MUC5B: variants seen among roughly 807,000 people sequenced by gnomAD.
The protein encoded by MUC5B is mucin-5B.
In MUC5B, 116 loss-of-function variants were observed where a neutral mutation model predicts 376.9. That is an observed-to-expected ratio of 0.31 (90% CI 0.26 to 0.36). The LOEUF (loss-of-function observed/expected upper bound fraction) is 0.36. MUC5B is among the 10% of genes least tolerant of loss of function. MUC5B has a pLI of 1.00. For missense variants in MUC5B, 7,165 were observed against 7,769.9 expected (o/e 0.92, Z 2.93); for synonymous variants, 3,517 against 3,390.9 (o/e 1.04, Z -1.29).
rs201764494 is a variant in MUC5B at position 1,245,846 on chromosome 11, C to T, written c.8966C>T (p.Thr2989Met). The change falls in exon 31 of 49, where the codon ACG becomes ATG. Residue 2989 changes from threonine to methionine, a missense_variant. Thr to Met is a moderately conservative substitution (Grantham distance 81, BLOSUM62 -1). This residue lies in a region of MUC5B where 939 missense variants were observed against 770.6 expected (regional missense o/e 1.22). Transcript: ENST00000529681. ...GCCACGCCCTCCTCCACTCCAGGGA[C>T]GACCTGGATCCTCACAGAGCAGACC... ...STATPSSTPG[T>M]TWILTEQTTA... The T allele has an allele frequency of 8.5e-4, 1,374 of 1,613,426 alleles. 5 individuals carry two copies. Among genetic ancestry groups the T allele is most frequent in the Non-Finnish European group, 1.1e-3 (1,287 of 1,179,826 alleles).
chr11:1,247,393 T>C lies in MUC5B; in HGVS notation c.10513T>C (p.Ser3505Pro). The change falls in exon 31 of 49, where the codon TCG becomes CCG. Residue 3505 changes from serine to proline, a missense_variant. Coordinates refer to ENST00000529681, the MANE Select transcript of MUC5B (RefSeq NM_002458.3). Reference sequence around the variant, plus strand: ...AGCAACCACCAGTACCACCCAGCACTCGACTCCAGCCCTGTCCAGCCCTCA... The same window carrying C: ...AGCAACCACCAGTACCACCCAGCACCCGACTCCAGCCCTGTCCAGCCCTCA... ...PAATTSTTQH[S>P]TPALSSPHPS... 2 of 1,605,642 alleles carry C rather than the reference T, an allele frequency of 1.2e-6. No homozygotes were observed. The highest frequency in any genetic ancestry group is 2.2e-5 in the South Asian group (2 of 90,624).
Position 1,230,455 on chromosome 11 carries a change from C to G in MUC5B, c.1360-35C>G, listed in dbSNP as rs1470046936. On this transcript the variant is annotated intron_variant, in intron 11 of 48. Transcript: ENST00000529681. ...CTGGGGGGCACCCCACATCATCGAGCCAGGCCCAATGCACGCGTGGGTCCT... is the reference window on the plus strand; with the variant it reads ...CTGGGGGGCACCCCACATCATCGAGGCAGGCCCAATGCACGCGTGGGTCCT... The G allele has an allele frequency of 7.8e-6, 12 of 1,537,844 alleles. No individual in the cohort carries two copies. In the Admixed American group the frequency reaches 1.1e-4, roughly 14 times the overall value.
Position 1,232,514 on chromosome 11 carries a change from C to T in MUC5B, c.1908C>T (p.His636=). The change falls in exon 16 of 49, where the codon CAC becomes CAT. Residue 636 remains histidine, a synonymous_variant. Transcript: ENST00000529681. The part of the protein sequence containing the change: ...TDPNSAFSRC[H]SIINPKPFHS... ...CCAACAGTGCCTTCTCGCGCTGCCA[C>T]TCCATCATCAACCCCAAGCCCTTCC... 1.2e-6 allele frequency: 2 copies of T among 1,611,348 alleles called. No individual in the cohort carries two copies. The highest frequency in any genetic ancestry group is 1.7e-6 in the Non-Finnish European group (2 of 1,179,300).
At position 1,250,359 on chromosome 11, in the gene MUC5B, C is replaced by T; in HGVS notation, c.13479C>T (p.Ser4493=). 2 of 1,613,536 alleles carry T rather than the reference C, an allele frequency of 1.2e-6. No homozygotes were observed. The highest frequency in any genetic ancestry group is 1.7e-6 in the Non-Finnish European group (2 of 1,179,730). The change falls in exon 31 of 49, where the codon TCC becomes TCT. Residue 4493 remains serine (S), a synonymous_variant. Transcript: ENST00000529681. The stretch of plus-strand genomic sequence containing the variant: ...CCACGACACCCACAGTCACCAGCTC[C>T]AAAGCCACTCCCTCCTCCAGTCCAG... ...TTATTPTVTS[S]KATPSSSPGT... is the part of the protein sequence containing the mutation.
rs376541978 is a variant in MUC5B at position 1,236,541 on chromosome 11, C to T, written c.3036C>T (p.Ile1012=). Residue 1012 remains isoleucine (I), a synonymous_variant, in exon 24 of 49, where the codon ATC becomes ATT. Coordinates refer to ENST00000529681, the MANE Select transcript of MUC5B (RefSeq NM_002458.3). ...GGGACCGGAAGACCAGCGTGTTCAT[C>T]CGACTGCACCAGGACTACAAGGTGA... ...VSWDRKTSVF[I]RLHQDYKGRV... The T allele has an allele frequency of 6.2e-7, 1 of 1,612,764 alleles. No homozygotes were observed. Among genetic ancestry groups the T allele is most frequent in the Non-Finnish European group, 8.5e-7 (1 of 1,179,802 alleles).
rs768771994 is a variant in MUC5B at position 1,246,477 on chromosome 11, G to A, written c.9597G>A (p.Thr3199=). ...TAGTLKVLTS[T]ATTPTVISSR... Reference sequence around the variant, plus strand: ...GCACCCTCAAAGTGCTGACCAGCACGGCCACCACACCCACAGTCATCAGCT... The same window carrying A: ...GCACCCTCAAAGTGCTGACCAGCACAGCCACCACACCCACAGTCATCAGCT... The change falls in exon 31 of 49, where the codon ACG becomes ACA. Residue 3199 remains threonine, a synonymous_variant. Coordinates refer to ENST00000529681, the MANE Select transcript of MUC5B (RefSeq NM_002458.3). The A allele has an allele frequency of 4.5e-5, 73 of 1,612,884 alleles. 2 individuals carry two copies. Among genetic ancestry groups the A allele is most frequent in the South Asian group, 7.7e-5 (7 of 91,022 alleles).
At position 1,243,779 on chromosome 11, in the gene MUC5B, G is replaced by A. The variant is rs1414180156; in HGVS notation, c.6899G>A (p.Ser2300Asn). 6.2e-7 allele frequency: 1 copy of A among 1,611,586 alleles called. No individual in the cohort carries two copies. The highest frequency in any genetic ancestry group is 1.3e-5 in the African/African-American group (1 of 74,824). The change falls in exon 31 of 49, where the codon AGC (serine) becomes AAC (asparagine). Residue 2300 changes from serine (S) to asparagine (N), a missense_variant. Coordinates refer to ENST00000529681, the MANE Select transcript of MUC5B (RefSeq NM_002458.3). The part of the protein sequence containing the change: ...KTRTSTLLPS[S>N]PTSAPITTVV... ...CGCACCTCGACCCTGCTGCCCAGCA[G>A]CCCCACATCGGCCCCCATAACCACG...
At position 1,245,615 on chromosome 11, in the gene MUC5B, C is replaced by T; in HGVS notation, c.8735C>T (p.Pro2912Leu). Residue 2912 changes from proline to leucine, a missense_variant, in exon 31 of 49, where the codon CCC becomes CTC. Transcript: ENST00000529681. ...GCCGGAGGGGCCGTCTGTGAGCAGC[C>T]CCTGGGCCTCGAGTGCCGTGCCCAG... is the stretch of plus-strand genomic sequence containing the variant. The part of the protein sequence containing the change: ...RAAGGAVCEQ[P>L]LGLECRAQAQ... 2 of 1,591,526 alleles carry T rather than the reference C, an allele frequency of 1.3e-6. No homozygotes were observed. The highest frequency in any genetic ancestry group is 1.7e-6 in the Non-Finnish European group (2 of 1,169,312).
Position 1,249,166 on chromosome 11 carries a change from A to T in MUC5B, c.12286A>T (p.Thr4096Ser). The T allele has an allele frequency of 6.2e-7, 1 of 1,610,636 alleles. No homozygotes were observed. Among genetic ancestry groups the T allele is most frequent in the Non-Finnish European group, 8.5e-7 (1 of 1,179,404 alleles). Residue 4096 changes from threonine (T) to serine (S), a missense_variant, in exon 31 of 49, where the codon ACC becomes TCC. Coordinates refer to ENST00000529681, the MANE Select transcript of MUC5B (RefSeq NM_002458.3). ...TPGHTTATSR[T>S]TATATPSKTR... ...GGGCCACACCACGGCCACCTCCAGG[A>T]CCACGGCCACGGCCACACCCAGCAA...
In MUC5B at chr11:1,246,913, T is replaced by C. The variant is rs1224019098; in HGVS notation, c.10033T>C (p.Ser3345Pro). The C allele has an allele frequency of 5.0e-6, 8 of 1,610,126 alleles. No homozygotes were observed. Among genetic ancestry groups the C allele is most frequent in the Non-Finnish European group, 6.8e-6 (8 of 1,178,622 alleles). Residue 3345 changes from serine (S) to proline (P), a missense_variant, in exon 31 of 49, where the codon TCC becomes CCC. Transcript: ENST00000529681. ...AACCACCACACCCACAACCAGAGGC[T>C]CCACGGTGACCCCCTCCTCCATCCC... is the stretch of plus-strand genomic sequence containing the variant. ...STTTTPTTRG[S>P]TVTPSSIPGT...
chr11:1,256,563 C>T, intron 38 of MUC5B, 108 bp from the exon 39 acceptor site: 1 of 535,598 alleles, frequency 1.9e-6, no homozygotes, highest in Non-Finnish European at 3.3e-6. Flanking sequence ...GCACTCCACC[C>T]ATTCATCTCC....
At chr11:1,254,452 C>T in intron 34 of MUC5B, 101 bp downstream of exon 34, 1 of 1,492,884 alleles carries the variant, frequency 6.7e-7, no homozygotes, top group Non-Finnish European at 9.0e-7. Flanking sequence ...AGCGATGGCC[C>T]AGTGCCCAAG....
intron 15 of MUC5B, 42 bp from the exon 16 acceptor site, chr11:1,232,408 T>A: frequency 1.3e-6 from 2 of 1,553,668 alleles, no homozygotes; most frequent in Non-Finnish European, 1.7e-6. Flanking sequence ...GGGTGTGGGC[T>A]TCGGGGCAGG....
At chr11:1,238,850 G>A (rs1388331186) in intron 25 of MUC5B, 21 bp from the exon 26 acceptor site, 4 of 1,544,694 alleles carry the variant, frequency 2.6e-6, no homozygotes, top group African/African-American at 2.7e-5. Context: ...CGGCTGAGCT[G>A]CACCTTGGCC....
At position 1,223,200 on chromosome 11, in the gene MUC5B, G is replaced by GC. The variant is rs1381785726; in HGVS notation, c.70+13dup. 1.4e-5 allele frequency: 10 copies of GC among 710,752 alleles called. No homozygotes were observed. The highest frequency in any genetic ancestry group is 1.4e-4 in the African/African-American group (8 of 57,256). 44.0% of individuals were successfully genotyped at this position (710,752 alleles called of 1,614,324 possible). ...CTCGTGGTGCCGCAGGCAGGTAAGA[G>GC]CCCCCCACTCCGCCCCCTCTCGATG... is the stretch of plus-strand genomic sequence containing the variant. On this transcript the variant is annotated splice_region_variant and intron_variant, in intron 1 of 48. Transcript: ENST00000529681.
rs567323086 is a variant in MUC5B at position 1,242,176 on chromosome 11, G to C, written c.5296G>C (p.Glu1766Gln). 1 of 1,613,618 alleles carries C rather than the reference G, an allele frequency of 6.2e-7. No homozygotes were observed. Among genetic ancestry groups the C allele is most frequent in the Non-Finnish European group, 8.5e-7 (1 of 1,179,896 alleles). ...SQAETSTPRT[E>Q]TTMSPLTNTT... ...GGCCGAGACCAGCACGCCCAGGACAGAGACGACAATGAGCCCCTTGACTAA... is the reference window on the plus strand; with the variant it reads ...GGCCGAGACCAGCACGCCCAGGACACAGACGACAATGAGCCCCTTGACTAA... Residue 1766 changes from glutamate to glutamine, a missense_variant, in exon 31 of 49, where the codon GAG becomes CAG. Around this residue, in one of 31 missense-constraint regions of MUC5B, gnomAD observed 897 missense variants for 779.6 expected, o/e 1.15. Transcript: ENST00000529681.
rs1044985914 is a variant in MUC5B, at chr11:1,244,542, G to C, written c.7662G>C (p.Gln2554His). The change falls in exon 31 of 49, where the codon CAG (glutamine) becomes CAC (histidine). Residue 2554 changes from glutamine (Q) to histidine (H), a missense_variant. Around this residue, in one of 31 missense-constraint regions of MUC5B, gnomAD observed 194 missense variants for 268.5 expected, o/e 0.72. Transcript: ENST00000529681. ...SLGTTWTRLSQTTTPTATMST... is the reference protein window; with the variant it reads ...SLGTTWTRLSHTTTPTATMST... Reference sequence around the variant, plus strand: ...GCACCACCTGGACCCGCCTATCACAGACCACCACACCCACGGCCACCATGT... The same window carrying C: ...GCACCACCTGGACCCGCCTATCACACACCACCACACCCACGGCCACCATGT... 1 of 1,533,828 alleles carries C rather than the reference G, an allele frequency of 6.5e-7. No homozygotes were observed. The highest frequency in any genetic ancestry group is 8.9e-7 in the Non-Finnish European group (1 of 1,117,524).
rs760754858 is a variant in MUC5B at position 1,245,991 on chromosome 11, C to A, written c.9111C>A (p.Ser3037=). 14 of 1,612,838 alleles carry A rather than the reference C, an allele frequency of 8.7e-6. No individual in the cohort carries two copies. The Admixed American group carries it at 1.0e-4, about 12-fold the overall frequency. ...CCACCACACCCACAGCCACCAGTTC[C>A]AAAGCCACTTCCTCCTCCAGTCCAA... ...STATTPTATS[S]KATSSSSPRT... is the part of the protein sequence containing the mutation. The change falls in exon 31 of 49, where the codon TCC becomes TCA. Residue 3037 remains serine, a synonymous_variant. Coordinates refer to ENST00000529681, the MANE Select transcript of MUC5B (RefSeq NM_002458.3).
rs367839579 is a variant in MUC5B, at chr11:1,250,038, G to A, written c.13158G>A (p.Pro4386=). The change falls in exon 31 of 49, where the codon CCG becomes CCA. Residue 4386 remains proline (P), a synonymous_variant. Transcript: ENST00000529681. ...TSSTSTPSST[P]GTTWILTELT... ...CCACGTCCACCCCCTCCTCCACTCC[G>A]GGGACGACCTGGATCCTCACAGAGC... is the stretch of plus-strand genomic sequence containing the variant. 377 of 1,610,886 alleles carry A rather than the reference G, an allele frequency of 2.3e-4. 3 individuals are homozygous for A. The African/African-American group carries it at 4.6e-3, about 20-fold the overall frequency.
Sources: gnomAD v4.1 joint callset for allele counts on GRCh38, gnomAD v4.1.1 for gene constraint, gnomAD v4.1.1 regional missense constraint, MANE v1.5 for transcripts, NCBI Gene and HGNC (gene_info 2026-07-23, HGNC 2026-07-21) for gene names.